RBFOX1: variants seen among roughly 807,000 people sequenced by gnomAD.
RBFOX1 encodes the protein RNA binding protein fox-1 homolog 1.
Under a neutral mutation model 57.7 loss-of-function variants are expected in RBFOX1, and 8 were observed. That is an observed-to-expected ratio of 0.14 (90% confidence interval 0.08 to 0.25). The LOEUF (loss-of-function observed/expected upper bound fraction) is 0.25. Among genes scored for constraint, RBFOX1 ranks in the 10% least tolerant of loss-of-function variants. The pLI is 1.00. For missense variants in RBFOX1, 611 were observed against 548.5 expected, an observed-to-expected ratio of 1.11 and a Z score of -1.14; for synonymous variants, 326 against 222.4, an observed-to-expected ratio of 1.47 and a Z score of -4.15.
chr16:6,954,047 CAA>C (rs1358131091), intron 3 of RBFOX1, among the ~76,000 whole-genome samples: 22 of 152,110 alleles, frequency 1.4e-4, no homozygotes, highest in African/African-American at 5.3e-4. Context: ...CCTAATATGG[CAA>C]GAGAGAGAAC....
chr16:5,827,871 G>GTCCA lies in RBFOX1; in HGVS notation c.319-39387_319-39384dup, dbSNP rs58720656. Among the ~76,000 whole-genome samples the GTCCA allele has an allele frequency of 3.4e-3, 439 of 128,326 alleles. 1 individual carries two copies. The highest frequency in any genetic ancestry group is 4.3e-3 in the Non-Finnish European group (271 of 63,500). 84.2% of individuals were successfully genotyped at this position (128,326 alleles called of 152,430 possible). On this transcript the variant is annotated intron_variant, in intron 3 of 19. Coordinates refer to the RBFOX1 transcript ENST00000641259. ...CACCCACCCACTCATCCAGGCTTTT[G>GTCCA]TCCATCCATCCATCCATCCATCCAT... is the stretch of plus-strand genomic sequence containing the variant.
chr16:5,499,989 C>T (rs1436690799), intron 2 of RBFOX1, among the ~76,000 whole-genome samples: 1 of 152,178 alleles, frequency 6.6e-6, no homozygotes, highest in Non-Finnish European at 1.5e-5. Context: ...TTCACTCTTT[C>T]TCTCTTCCTT....
At chr16:6,517,886 G>C (rs947468934) in intron 2 of RBFOX1, among the ~76,000 whole-genome samples, 5 of 152,112 alleles carry the variant, frequency 3.3e-5, no homozygotes, top group Non-Finnish European at 7.3e-5. Context: ...TAAAGTCTGG[G>C]GCCTTAATAC....
At chr16:6,818,511 T>C (rs2090604729) in intron 3 of RBFOX1, among the ~76,000 whole-genome samples, 1 of 152,184 alleles carries the variant, frequency 6.6e-6, no homozygotes, top group Admixed American at 6.5e-5. Flanking sequence ...ATGTAGTTAC[T>C]AAAGTGGCAA....
chr16:6,066,155 G>T (rs962119730), intron 1 of RBFOX1, among the ~76,000 whole-genome samples: 2 of 151,920 alleles, frequency 1.3e-5, no homozygotes, highest in Admixed American at 1.3e-4. Flanking sequence ...TTAGCTGGGT[G>T]TGGTGGCATG....
At chr16:6,603,043 C>T (rs1227952840) in intron 2 of RBFOX1, among the ~76,000 whole-genome samples, 3 of 152,182 alleles carry the variant, frequency 2.0e-5, no homozygotes, top group Non-Finnish European at 4.4e-5. Flanking sequence ...TAAGTATTTA[C>T]TGTCATTGTC....
chr16:5,868,408 G>C (rs28510903), intron 4 of RBFOX1, among the ~76,000 whole-genome samples: 17,659 of 152,190 alleles, frequency 0.12, 1,593 homozygotes, highest in African/African-American at 0.24. Context: ...TTAACTGTGG[G>C]TTTTCGCTTT....
At chr16:5,351,728 G>A (rs914447246) in intron 1 of RBFOX1, among the ~76,000 whole-genome samples, 4 of 152,316 alleles carry the variant, frequency 2.6e-5, no homozygotes, top group Non-Finnish European at 4.4e-5. Context: ...CGCTTAGCCC[G>A]AGAACTCCTT....
chr16:5,509,049 C>G (rs949567980), intron 2 of RBFOX1, among the ~76,000 whole-genome samples: 6 of 152,214 alleles, frequency 3.9e-5, no homozygotes, highest in African/African-American at 1.4e-4. Flanking sequence ...TCATGTTGGA[C>G]ACTAGCTGTG....
At chr16:6,098,850 T>C (rs927751880) in intron 1 of RBFOX1, among the ~76,000 whole-genome samples, 4 of 152,144 alleles carry the variant, frequency 2.6e-5, no homozygotes, top group African/African-American at 9.7e-5. Flanking sequence ...CCAGGAGCAC[T>C]AAGTGTCCAA....
intron 2 of RBFOX1, among the ~76,000 whole-genome samples, chr16:5,587,670 G>T (rs546614960): frequency 6.6e-6 from 1 of 152,148 alleles, no homozygotes; most frequent in African/African-American, 2.4e-5. Flanking sequence ...CCAAGATCGC[G>T]GCACTGTACT....
chr16:5,548,758 G>A (rs911784211), intron 2 of RBFOX1, among the ~76,000 whole-genome samples: 2 of 152,172 alleles, frequency 1.3e-5, no homozygotes, highest in Non-Finnish European at 2.9e-5. Flanking sequence ...ATGGATGTAT[G>A]TATATGTCAA....
At position 6,256,855 on chromosome 16, in the gene RBFOX1, T is replaced by C. The variant is rs112047018; in HGVS notation, c.-126-60140T>C. Among the ~76,000 whole-genome samples, 1,042 of 152,160 alleles carry C rather than the reference T, an allele frequency of 6.8e-3. 10 individuals carry two copies. Among genetic ancestry groups the C allele is most frequent in the African/African-American group, 0.023 (955 of 41,508 alleles). ...GGAAGATACTGCTAAGAGCAGTATG[T>C]GGGATGGATAGAAGGCATATGAAAC... is the stretch of plus-strand genomic sequence containing the variant. On this transcript the variant is annotated intron_variant, in intron 1 of 15. Transcript: ENST00000550418.
intron 1 of RBFOX1, among the ~76,000 whole-genome samples, chr16:6,083,897 T>C (rs529907706): frequency 7.2e-5 from 11 of 152,262 alleles, no homozygotes; most frequent in African/African-American, 2.6e-4. Flanking sequence ...CCTGAAAGCC[T>C]GTAGATTTAT....
chr16:7,195,838 C>G (rs754973898), intron 4 of RBFOX1, among the ~76,000 whole-genome samples: 2 of 152,172 alleles, frequency 1.3e-5, no homozygotes, highest in South Asian at 2.1e-4. Flanking sequence ...CAGGCATGAA[C>G]CACTGTGCCC....
chr16:7,033,087 C>T (rs1042651532), intron 3 of RBFOX1, among the ~76,000 whole-genome samples: 6 of 152,164 alleles, frequency 3.9e-5, no homozygotes, highest in Non-Finnish European at 8.8e-5. Context: ...TGCCAACTCT[C>T]TCCTCTTGGG....
At chr16:7,226,836 A>C (rs2093154172) in intron 4 of RBFOX1, among the ~76,000 whole-genome samples, 1 of 152,238 alleles carries the variant, frequency 6.6e-6, no homozygotes. Flanking sequence ...TTAAAATGTA[A>C]GTCAGAGATT....
At chr16:7,336,253 G>A (rs2096784963) in intron 4 of RBFOX1, among the ~76,000 whole-genome samples, 1 of 152,150 alleles carries the variant, frequency 6.6e-6, no homozygotes, top group Non-Finnish European at 1.5e-5. Context: ...CTTTGTAACT[G>A]GTTAGGCTAT....
intron 3 of RBFOX1, among the ~76,000 whole-genome samples, chr16:6,718,701 C>T (rs552184156): frequency 6.6e-6 from 1 of 152,246 alleles, no homozygotes; most frequent in African/African-American, 2.4e-5. Context: ...CTCACAAGAT[C>T]TGGTTGTTGA....
Sources: gnomAD v4.1 joint callset for allele counts (sites outside exome capture counted in the v4.1 genomes callset) on GRCh38, gnomAD v4.1.1 for gene constraint, MANE v1.5 for transcripts, NCBI Gene and HGNC (gene_info 2026-07-23, HGNC 2026-07-21) for gene names.